Variants in LAMA2 observed in about 807,000 individuals in gnomAD.
LAMA2 encodes laminin subunit alpha 2.
A neutral mutation model predicts 364.8 loss-of-function variants in LAMA2; 269 were observed. That is an observed-to-expected ratio of 0.74 (90% CI 0.67 to 0.82). The LOEUF is 0.82. LAMA2 is among the 40% of genes least tolerant of loss of function. LAMA2 has a pLI of 0.00. For missense variants in LAMA2, 3,807 were observed against 3,873.2 expected (o/e 0.98, Z 0.45); for synonymous variants, 1,379 against 1,370.6 (o/e 1.01, Z -0.14).
chr6:129,078,874 A>G (rs906590831), intron 3 of LAMA2, among the ~76,000 whole-genome samples: 2 of 152,236 alleles, frequency 1.3e-5, no homozygotes, highest in East Asian at 3.8e-4. Context: ...GGCACGTCAT[A>G]TAAGTGGAAC....
chr6:129,514,472 G>C lies in LAMA2; in HGVS notation c.9088G>C (p.Ala3030Pro), dbSNP rs1397949384. Residue 3030 changes from alanine to proline, a missense_variant, in exon 64 of 65, where the codon GCC (alanine) becomes CCC (proline). Coordinates refer to ENST00000421865, the MANE Select transcript of LAMA2 (RefSeq NM_000426.4). The stretch of plus-strand genomic sequence containing the variant: ...TGATGGACAATGGCATAAAGTCACT[G>C]CCAACAAGATCAAACACCGCATTGA... ...LCDGQWHKVT[A>P]NKIKHRIELT... The C allele has an allele frequency of 6.2e-7, 1 of 1,614,086 alleles. No individual in the cohort carries two copies. Among genetic ancestry groups the C allele is most frequent in the Non-Finnish European group, 8.5e-7 (1 of 1,179,994 alleles).
intron 10 of LAMA2, among the ~76,000 whole-genome samples, chr6:129,184,463 T>C (rs1321305858): frequency 6.6e-6 from 1 of 151,940 alleles, no homozygotes; most frequent in East Asian, 1.9e-4. Context: ...CTCTTTTTGA[T>C]GAGGCCTCAT....
At chr6:128,959,821 G>T (rs1167314134) in intron 1 of LAMA2, among the ~76,000 whole-genome samples, 2 of 151,358 alleles carry the variant, frequency 1.3e-5, no homozygotes, top group African/African-American at 4.9e-5. Flanking sequence ...GCCTCTCTCT[G>T]TACTCCCCAA....
Position 129,393,401 on chromosome 6 carries a change from C to A in LAMA2, c.5445+146C>A, listed in dbSNP as rs530288177. ...GAAAGGGGGCTTCTAAGAAACAGAA[C>A]AAGAAATGACTTTTTTTTGTTTTTG... On this transcript the variant is annotated intron_variant, in intron 37 of 64. Coordinates refer to ENST00000421865, the MANE Select transcript of LAMA2 (RefSeq NM_000426.4). The A allele has an allele frequency of 1.6e-5, 11 of 673,718 alleles. No homozygotes were observed. The African/African-American group carries it at 2.0e-4, about 12-fold the overall frequency. The allele number at this position is 673,718 out of a possible 1,614,324, so 41.7% of individuals were successfully genotyped here.
chr6:129,369,052 T>G (rs1777929652), intron 33 of LAMA2, among the ~76,000 whole-genome samples: 1 of 152,224 alleles, frequency 6.6e-6, no homozygotes, highest in African/African-American at 2.4e-5. Context: ...AACTTAAGGT[T>G]AGCACTCAAC....
chr6:129,243,028 C>A (rs265376), intron 12 of LAMA2, among the ~76,000 whole-genome samples: 8 of 152,186 alleles, frequency 5.3e-5, no homozygotes, highest in African/African-American at 1.9e-4. Context: ...GGGAAAGATA[C>A]GTGAAATAAG....
At chr6:129,406,564 A>C (rs2114702769) in intron 40 of LAMA2, among the ~76,000 whole-genome samples, 1 of 152,330 alleles carries the variant, frequency 6.6e-6, no homozygotes, top group Non-Finnish European at 1.5e-5. Context: ...AAATGGAATA[A>C]AAATGGAATA....
intron 35 of LAMA2, among the ~76,000 whole-genome samples, chr6:129,387,885 C>T (rs1300386114): frequency 6.6e-6 from 1 of 152,166 alleles, no homozygotes; most frequent in African/African-American, 2.4e-5. Flanking sequence ...GAACAACACA[C>T]ACTGGAGTCT....
At chr6:129,214,412 C>T (rs898101221) in intron 12 of LAMA2, among the ~76,000 whole-genome samples, 1 of 152,186 alleles carries the variant, frequency 6.6e-6, no homozygotes, top group Non-Finnish European at 1.5e-5. Context: ...CTCTCCAAGG[C>T]ACCACCTCTC....
chr6:129,088,315 A>C (rs1034215192), intron 3 of LAMA2, among the ~76,000 whole-genome samples: 1 of 151,820 alleles, frequency 6.6e-6, no homozygotes, highest in African/African-American at 2.4e-5. Flanking sequence ...ACACAGCAAC[A>C]ATCTGATTTC....
chr6:129,127,274 T>C (rs77904995), intron 4 of LAMA2, among the ~76,000 whole-genome samples: 5,875 of 152,320 alleles, frequency 0.039, 388 homozygotes, highest in African/African-American at 0.13. Flanking sequence ...CTGTAACTTC[T>C]ATTTCACTCA....
At chr6:129,060,251 C>CTGTGCTGATGGTG (rs1201046511) in intron 3 of LAMA2, among the ~76,000 whole-genome samples, 4 of 152,212 alleles carry the variant, frequency 2.6e-5, no homozygotes, top group Non-Finnish European at 5.9e-5. Context: ...ATTGCTCCCA[C>CTGTGCTGATGGTG]TGTGCTGATG....
intron 32 of LAMA2, among the ~76,000 whole-genome samples, chr6:129,365,182 G>A (rs1777689960): frequency 6.6e-6 from 1 of 152,094 alleles, no homozygotes. Flanking sequence ...CTAGCCTTTA[G>A]CAATTATTTA....
chr6:129,096,469 A>G (rs1474669055), intron 3 of LAMA2, among the ~76,000 whole-genome samples: 1 of 152,194 alleles, frequency 6.6e-6, no homozygotes, highest in Non-Finnish European at 1.5e-5. Context: ...GTCTTGGCAT[A>G]TTCAAGCAGT....
intron 1 of LAMA2, among the ~76,000 whole-genome samples, chr6:128,985,868 C>T (rs781093983): frequency 6.6e-6 from 1 of 151,980 alleles, no homozygotes; most frequent in South Asian, 2.1e-4. Context: ...TTATTTCATC[C>T]CATCAAATAT....
chr6:129,328,256 A>G (rs1435508272), intron 28 of LAMA2, 22 bp from the exon 29 acceptor site: 3 of 1,608,546 alleles, frequency 1.9e-6, no homozygotes, highest in Non-Finnish European at 2.6e-6. Context: ...TTGCTGTCCT[A>G]ATTGGCTTCC....
At chr6:129,198,098 T>C (rs1411492321) in intron 12 of LAMA2, among the ~76,000 whole-genome samples, 1 of 152,076 alleles carries the variant, frequency 6.6e-6, no homozygotes, top group Non-Finnish European at 1.5e-5. Context: ...GTAATTTCAA[T>C]GTGAGTTGGT....
chr6:129,222,696 T>G (rs1783946551), intron 12 of LAMA2, among the ~76,000 whole-genome samples: 1 of 152,138 alleles, frequency 6.6e-6, no homozygotes, highest in African/African-American at 2.4e-5. Context: ...GGCTGCATAG[T>G]ATTCCATGGT....
intron 1 of LAMA2, among the ~76,000 whole-genome samples, chr6:128,928,758 C>T (rs565912261): frequency 6.6e-6 from 1 of 152,356 alleles, no homozygotes; most frequent in South Asian, 2.1e-4. Flanking sequence ...CAAGTCCATA[C>T]ATTTGATCAG....
Sources: gnomAD v4.1 joint callset for allele counts (sites outside exome capture counted in the v4.1 genomes callset) on GRCh38, gnomAD v4.1.1 for gene constraint, MANE v1.5 for transcripts, NCBI Gene and HGNC (gene_info 2026-07-23, HGNC 2026-07-21) for gene names.